The following ADK variants were observed in gnomAD, a reference collection of about 807,000 sequenced individuals.
The protein encoded by ADK is adenosine kinase.
A neutral mutation model predicts 44.7 loss-of-function variants in ADK; 24 were observed. The ratio of observed to expected loss-of-function variants is 0.54; its 90% CI spans 0.39 to 0.76. ADK has a LOEUF of 0.76. Among genes scored for constraint, ADK ranks in the 30% least tolerant of loss-of-function variants. The pLI, the probability that ADK is intolerant of heterozygous loss-of-function variation, is 0.00. For missense variants in ADK, 321 were observed against 425.1 expected, an observed-to-expected ratio of 0.76 and a Z score of 2.15; for synonymous variants, 128 against 142.6, an observed-to-expected ratio of 0.90 and a Z score of 0.73.
chr10:74,557,827 A>T (rs1850317411), intron 7 of ADK, among the ~76,000 whole-genome samples: 1 of 152,174 alleles, frequency 6.6e-6, no homozygotes, highest in African/African-American at 2.4e-5. Context: ...TAAGGTTTTG[A>T]GTGGGGGCTT....
chr10:74,446,564 A>C (rs1017522103), intron 6 of ADK, among the ~76,000 whole-genome samples: 1 of 152,162 alleles, frequency 6.6e-6, no homozygotes, highest in African/African-American at 2.4e-5. Context: ...AAATCCTTTT[A>C]AGAAGTATTG....
intron 9 of ADK, among the ~76,000 whole-genome samples, chr10:74,660,570 T>C (rs1289416231): frequency 1.3e-5 from 2 of 151,204 alleles, no homozygotes; most frequent in African/African-American, 4.9e-5. Context: ...AAAACTCTTC[T>C]CTACAAAGAA....
intron 9 of ADK, among the ~76,000 whole-genome samples, chr10:74,627,332 A>G (rs974220900): frequency 5.9e-5 from 9 of 152,010 alleles, no homozygotes; most frequent in African/African-American, 2.2e-4. Flanking sequence ...AATAGTAAAA[A>G]ATTATCCCAG....
At chr10:74,649,586 C>T (rs1854187801) in intron 9 of ADK, among the ~76,000 whole-genome samples, 1 of 151,780 alleles carries the variant, frequency 6.6e-6, no homozygotes, top group Non-Finnish European at 1.5e-5. Context: ...GATTGCACCA[C>T]TGTACTCCAA....
intron 4 of ADK, among the ~76,000 whole-genome samples, chr10:74,367,903 T>C (rs1027843677): frequency 3.9e-5 from 6 of 152,200 alleles, no homozygotes; most frequent in Non-Finnish European, 7.3e-5. Flanking sequence ...GGTTCAGGCA[T>C]GAGTTACACT....
chr10:74,260,633 C>T (rs1231530871), intron 3 of ADK, among the ~76,000 whole-genome samples: 1 of 152,114 alleles, frequency 6.6e-6, no homozygotes, highest in Non-Finnish European at 1.5e-5. Context: ...TCTACCTTTT[C>T]TCCATCCTTC....
At chr10:74,391,348 T>C (rs1212204851) in intron 4 of ADK, among the ~76,000 whole-genome samples, 3 of 152,108 alleles carry the variant, frequency 2.0e-5, no homozygotes, top group Non-Finnish European at 4.4e-5. Context: ...TTTTAACATG[T>C]TTCAGAAGTC....
intron 7 of ADK, among the ~76,000 whole-genome samples, chr10:74,541,165 C>G (rs1849614562): frequency 6.6e-6 from 1 of 152,112 alleles, no homozygotes; most frequent in Non-Finnish European, 1.5e-5. Context: ...CAAGTTCCTG[C>G]CACCATGCCT....
chr10:74,445,126 G>T (rs2133158371), intron 6 of ADK, among the ~76,000 whole-genome samples: 1 of 151,608 alleles, frequency 6.6e-6, no homozygotes, highest in East Asian at 1.9e-4. Context: ...TTACATACTT[G>T]CCCAGATTTC....
At chr10:74,344,938 C>A (rs1304078172) in intron 4 of ADK, 1 of 155,438 alleles carries the variant, frequency 6.4e-6, no homozygotes, top group Non-Finnish European at 1.4e-5. Context: ...CAGGCTCTCA[C>A]ATCTGACGTC....
intron 3 of ADK, among the ~76,000 whole-genome samples, chr10:74,273,007 A>G (rs1173817078): frequency 6.6e-6 from 1 of 152,168 alleles, no homozygotes; most frequent in Non-Finnish European, 1.5e-5. Flanking sequence ...GGTGAATAAT[A>G]AGAGATGAGA....
chr10:74,593,020 T>C (rs1378583927), intron 8 of ADK, among the ~76,000 whole-genome samples: 1 of 152,192 alleles, frequency 6.6e-6, no homozygotes, highest in African/African-American at 2.4e-5. Flanking sequence ...TCAGCATGGA[T>C]AGAAAGTCTA....
intron 7 of ADK, among the ~76,000 whole-genome samples, chr10:74,572,374 C>T (rs1483426050): frequency 2.0e-5 from 3 of 152,250 alleles, no homozygotes; most frequent in African/African-American, 7.2e-5. Flanking sequence ...GAGAGATCTG[C>T]TGTTAGTCTG....
chr10:74,625,032 T>G (rs1028521027), intron 9 of ADK, among the ~76,000 whole-genome samples: 3 of 152,116 alleles, frequency 2.0e-5, no homozygotes, highest in African/African-American at 7.2e-5. Context: ...ACAAATAAAT[T>G]CAATTCATTA....
At chr10:74,651,909 T>C (rs1265909913) in intron 9 of ADK, among the ~76,000 whole-genome samples, 2 of 152,186 alleles carry the variant, frequency 1.3e-5, no homozygotes, top group Non-Finnish European at 2.9e-5. Flanking sequence ...AAAGAACATA[T>C]ACTGTATGAT....
At chr10:74,702,254 G>T (rs1331415209) in intron 10 of ADK, among the ~76,000 whole-genome samples, 1 of 150,934 alleles carries the variant, frequency 6.6e-6, no homozygotes, top group East Asian at 2.0e-4. Context: ...CGTGATCTCA[G>T]CTCACTGCAA....
chr10:74,302,090 GTTTT>G (rs68179517), intron 3 of ADK, among the ~76,000 whole-genome samples: 1 of 17,032 alleles, frequency 5.9e-5, no homozygotes, highest in Non-Finnish European at 1.1e-4. Flanking sequence ...TTTCTTTTCT[GTTTT>G]TTTTTTGTTT....
intron 3 of ADK, among the ~76,000 whole-genome samples, chr10:74,260,506 T>C (rs1460526346): frequency 6.6e-6 from 1 of 152,160 alleles, no homozygotes; most frequent in African/African-American, 2.4e-5. Flanking sequence ...CAAGTGATCC[T>C]CCTGCCTTGG....
chr10:74,305,123 ACT>A (rs774479912), intron 3 of ADK, among the ~76,000 whole-genome samples: 4 of 152,160 alleles, frequency 2.6e-5, no homozygotes, highest in South Asian at 2.1e-4. Context: ...TAGTTGTTAT[ACT>A]CTCTTGTTTA....
Sources: allele counts gnomAD v4.1 joint callset (sites outside exome capture counted in the v4.1 genomes callset), GRCh38; gene constraint gnomAD v4.1.1; transcripts MANE v1.5; gene names NCBI Gene and HGNC (gene_info 2026-07-23, HGNC 2026-07-21).